The following MICU2 variants were observed in gnomAD, a reference collection of about 807,000 sequenced individuals.
MICU2 encodes the protein calcium uptake protein 2, mitochondrial.
MICU2 carries 64 observed loss-of-function variants against 60.4 expected under a neutral mutation model. The observed-to-expected ratio is 1.06, with a 90% CI of 0.87 to 1.31. The LOEUF (loss-of-function observed/expected upper bound fraction) is 1.31, where lower values mean the gene tolerates loss of function less well. MICU2 is among the 50% of genes most tolerant of loss of function. The pLI is 0.00. For synonymous variants in MICU2, 201 were observed against 175.0 expected, an observed-to-expected ratio of 1.15 and a Z score of -1.17; for missense variants, 569 against 531.0, an observed-to-expected ratio of 1.07 and a Z score of -0.70.
chr13:21,495,194 C>G lies in MICU2; in HGVS notation c.1167G>C (p.Gly389=). The change falls in exon 11 of 12, where the codon GGG becomes GGC. Residue 389 remains glycine, a synonymous_variant. Transcript: ENST00000382374. Reference sequence around the variant, plus strand: ...CTCGATGCATTCTGTTTTTTAACACCCCAAGAAACTCTTCATGACTAAGAC... The same window carrying G: ...CTCGATGCATTCTGTTTTTTAACACGCCAAGAAACTCTTCATGACTAAGAC... ...DECLSHEEFL[G]VLKNRMHRGL... 1 of 1,609,974 alleles carries G rather than the reference C, an allele frequency of 6.2e-7. No individual in the cohort carries two copies. Among genetic ancestry groups the G allele is most frequent in the East Asian group, 2.2e-5 (1 of 44,760 alleles).
At chr13:21,593,636 A>G (rs1049596551) in intron 1 of MICU2, among the ~76,000 whole-genome samples, 6 of 150,526 alleles carry the variant, frequency 4.0e-5, no homozygotes, top group Non-Finnish European at 7.4e-5. Context: ...AAACTATGCT[A>G]CAAGGCTACA....
chr13:21,533,633 A>G (rs990881638), intron 4 of MICU2, among the ~76,000 whole-genome samples: 11 of 152,002 alleles, frequency 7.2e-5, no homozygotes, highest in Non-Finnish European at 1.3e-4. Context: ...AAGGCAGTGC[A>G]ATTTTTAAAA....
chr13:21,521,845 C>T (rs1196085227), intron 5 of MICU2, among the ~76,000 whole-genome samples: 1 of 152,204 alleles, frequency 6.6e-6, no homozygotes. Context: ...ACCGTGATCA[C>T]AGCTCACTGC....
At chr13:21,570,893 G>C (rs1351812168) in intron 1 of MICU2, among the ~76,000 whole-genome samples, 2 of 152,220 alleles carry the variant, frequency 1.3e-5, no homozygotes, top group Non-Finnish European at 2.9e-5. Flanking sequence ...CTAGGGAAAT[G>C]CATGCCAAAT....
intron 4 of MICU2, among the ~76,000 whole-genome samples, chr13:21,523,169 T>C (rs1182837673): frequency 3.9e-5 from 6 of 152,218 alleles, no homozygotes; most frequent in Non-Finnish European, 8.8e-5. Flanking sequence ...GTGGACTGAA[T>C]TACACCATCA....
rs1887599461 is a variant in MICU2, at chr13:21,552,584, T to C, written c.359-12896A>G. 8.5e-5 allele frequency among the ~76,000 whole-genome samples: 13 copies of C among 152,234 alleles called. 1 individual carries two copies. The highest frequency in any genetic ancestry group is 8.5e-4 in the Admixed American group (13 of 15,284). Reference sequence around the variant, plus strand: ...TTAGGTCTAACATGTAAATCTTTAATTCATCTTGAATTAATTTTTGTATGA... The same window carrying C: ...TTAGGTCTAACATGTAAATCTTTAACTCATCTTGAATTAATTTTTGTATGA... On this transcript the variant is annotated intron_variant, in intron 2 of 11. Coordinates refer to ENST00000382374, the MANE Select transcript of MICU2 (RefSeq NM_152726.3).
intron 4 of MICU2, among the ~76,000 whole-genome samples, chr13:21,529,703 T>G (rs772739759): frequency 6.6e-6 from 1 of 152,200 alleles, no homozygotes; most frequent in Non-Finnish European, 1.5e-5. Flanking sequence ...AGAAGTTTCA[T>G]GTAAGTCACT....
chr13:21,552,130 C>G (rs1257493787), intron 2 of MICU2, among the ~76,000 whole-genome samples: 2 of 152,154 alleles, frequency 1.3e-5, no homozygotes, highest in South Asian at 2.1e-4. Context: ...GCCATTCTAA[C>G]TGGTGTGAGA....
At chr13:21,553,493 C>T (rs1304121482) in intron 2 of MICU2, among the ~76,000 whole-genome samples, 4 of 152,136 alleles carry the variant, frequency 2.6e-5, no homozygotes, top group African/African-American at 4.8e-5. Context: ...TGAGAGAGGG[C>T]ATCCCCACCA....
chr13:21,561,093 C>T (rs2798270), intron 2 of MICU2, among the ~76,000 whole-genome samples: 143,953 of 152,260 alleles, frequency 0.95, 68,207 homozygotes, highest in East Asian at 1. Flanking sequence ...TCCAAATACT[C>T]TGAGATGTTT....
At position 21,502,949 on chromosome 13, in the gene MICU2, TCACA is replaced by T; in HGVS notation, c.906_909del (p.Asn302LysfsTer38). 9 of 1,611,190 alleles carry T rather than the reference TCACA, an allele frequency of 5.6e-6. No individual in the cohort carries two copies. The highest frequency in any genetic ancestry group is 7.6e-6 in the Non-Finnish European group (9 of 1,179,450). On this transcript the variant is annotated frameshift_variant, in exon 9 of 12. Coordinates refer to ENST00000382374, the MANE Select transcript of MICU2 (RefSeq NM_152726.3). LOFTEE classifies it high-confidence loss of function. Reference sequence around the variant, plus strand: ...ACCTCTCCTGCTGACAACTTCTCTCTCACATTTTTCCAATAAATATCTTTATTTT... The same window carrying T: ...ACCTCTCCTGCTGACAACTTCTCTCTTTTTTCCAATAAATATCTTTATTTT...
intron 9 of MICU2, among the ~76,000 whole-genome samples, chr13:21,500,820 C>T (rs1463423226): frequency 6.6e-6 from 1 of 152,124 alleles, no homozygotes; most frequent in Non-Finnish European, 1.5e-5. Context: ...TTTTGACTCT[C>T]ATTATAATTT....
At chr13:21,517,083 CACAG>C (rs1247834170) in intron 6 of MICU2, among the ~76,000 whole-genome samples, 4 of 152,184 alleles carry the variant, frequency 2.6e-5, no homozygotes, top group East Asian at 1.9e-4. Context: ...GAACAGCTCA[CACAG>C]ACAGTTGCTA....
chr13:21,584,511 G>C (rs7328350), intron 1 of MICU2, among the ~76,000 whole-genome samples: 2,147 of 152,064 alleles, frequency 0.014, 49 homozygotes, highest in African/African-American at 0.05. Context: ...CAAAGTTAAT[G>C]ATATCCATGT....
At chr13:21,601,801 CAA>C (rs1041859780) in intron 1 of MICU2, among the ~76,000 whole-genome samples, 19 of 152,174 alleles carry the variant, frequency 1.2e-4, no homozygotes, top group Admixed American at 5.2e-4. Context: ...CTCTGAAAGA[CAA>C]AGTTTTAAAA....
At chr13:21,566,717 C>T in intron 2 of MICU2, 80 bp downstream of exon 2, 1 of 1,173,002 alleles carries the variant, frequency 8.5e-7, no homozygotes, top group Non-Finnish European at 1.2e-6. Flanking sequence ...TGAAGAAAAG[C>T]TGTTATCAAT....
intron 2 of MICU2, among the ~76,000 whole-genome samples, chr13:21,540,052 G>A (rs1887243982): frequency 6.6e-6 from 1 of 151,822 alleles, no homozygotes; most frequent in South Asian, 2.1e-4. Flanking sequence ...TACTTTCATT[G>A]ATTTAGAAAA....
At chr13:21,554,460 A>C (rs1225568855) in intron 2 of MICU2, among the ~76,000 whole-genome samples, 1 of 152,242 alleles carries the variant, frequency 6.6e-6, no homozygotes, top group African/African-American at 2.4e-5. Context: ...TGAAGGCAGA[A>C]ATAAAGAGGT....
intron 1 of MICU2, 60 bp from the exon 2 acceptor site, chr13:21,567,004 G>A: frequency 7.1e-7 from 1 of 1,400,608 alleles, no homozygotes; most frequent in Non-Finnish European, 9.6e-7. Context: ...GTCACTTCTA[G>A]GACAATCTTT....
Sources: gnomAD v4.1 joint callset for allele counts (sites outside exome capture counted in the v4.1 genomes callset) on GRCh38, gnomAD v4.1.1 for gene constraint, MANE v1.5 for transcripts, NCBI Gene and HGNC (gene_info 2026-07-23, HGNC 2026-07-21) for gene names.